TMTC2: variants seen among roughly 807,000 people sequenced by gnomAD.
The protein encoded by TMTC2 is protein O-mannosyl-transferase TMTC2.
In TMTC2, 43 loss-of-function variants were observed where a neutral mutation model predicts 82.4. That is an observed-to-expected ratio of 0.52 (90% CI 0.41 to 0.67). The LOEUF is 0.67. Ranked by LOEUF, TMTC2 falls within the 30% of genes least tolerant of loss-of-function variation. The pLI is 0.00. For missense variants in TMTC2, 919 were observed against 1,012.4 expected (o/e 0.91, Z 1.25); for synonymous variants, 408 against 381.9 (o/e 1.07, Z -0.80).
At chr12:83,069,613 A>G (rs141364571) in intron 11 of TMTC2, among the ~76,000 whole-genome samples, 1 of 152,180 alleles carries the variant, frequency 6.6e-6, no homozygotes, top group African/African-American at 2.4e-5. Flanking sequence ...AGATGTATAG[A>G]TTGTGCAGAT....
intron 3 of TMTC2, among the ~76,000 whole-genome samples, chr12:82,900,800 A>AAT (rs545154210): frequency 0.022 from 2,644 of 120,758 alleles, 309 homozygotes; most frequent in African/African-American, 0.075. Flanking sequence ...ATATACCTGG[A>AAT]ATATATATAT....
intron 1 of TMTC2, among the ~76,000 whole-genome samples, chr12:82,778,952 G>A (rs1358612016): frequency 1.4e-5 from 2 of 147,764 alleles, no homozygotes; most frequent in Non-Finnish European, 3.0e-5. Context: ...CAGGAAAATT[G>A]CTTGAACCCA....
At chr12:83,047,957 A>T (rs1398003881) in intron 9 of TMTC2, among the ~76,000 whole-genome samples, 1 of 152,212 alleles carries the variant, frequency 6.6e-6, no homozygotes, top group Non-Finnish European at 1.5e-5. Context: ...ACCCCTTGTT[A>T]TGGGTATCAT....
At chr12:83,107,599 A>G (rs1056827927) in intron 11 of TMTC2, among the ~76,000 whole-genome samples, 2 of 152,216 alleles carry the variant, frequency 1.3e-5, no homozygotes, top group African/African-American at 4.8e-5. Context: ...TTTCCAGCAC[A>G]TGAAATTTAG....
At chr12:82,712,621 G>T (rs1004917348) in intron 1 of TMTC2, among the ~76,000 whole-genome samples, 1 of 152,058 alleles carries the variant, frequency 6.6e-6, no homozygotes, top group African/African-American at 2.4e-5. Context: ...TGACTAGCTT[G>T]CTGGGAGGCT....
intron 1 of TMTC2, among the ~76,000 whole-genome samples, chr12:82,809,261 C>T (rs1030763077): frequency 6.6e-6 from 1 of 151,924 alleles, no homozygotes; most frequent in Admixed American, 6.6e-5. Context: ...ATGCTAGGTT[C>T]TTCATAAGAT....
At chr12:82,806,471 A>G (rs960156488) in intron 1 of TMTC2, among the ~76,000 whole-genome samples, 5 of 152,164 alleles carry the variant, frequency 3.3e-5, no homozygotes, top group African/African-American at 1.2e-4. Context: ...CAGTGGGGAT[A>G]GATACGGAAC....
intron 11 of TMTC2, among the ~76,000 whole-genome samples, chr12:83,116,044 C>G (rs1010490690): frequency 2.6e-5 from 4 of 152,170 alleles, no homozygotes; most frequent in Non-Finnish European, 5.9e-5. Context: ...CCTCAGCCTT[C>G]CTATTTATAA....
intron 1 of TMTC2, among the ~76,000 whole-genome samples, chr12:82,793,979 A>C (rs1176216671): frequency 2.0e-5 from 3 of 152,164 alleles, no homozygotes; most frequent in Non-Finnish European, 4.4e-5. Flanking sequence ...GTTTTTCAAT[A>C]TCAACTGCTT....
intron 11 of TMTC2, among the ~76,000 whole-genome samples, chr12:83,081,363 C>A (rs1883462050): frequency 6.6e-6 from 1 of 152,124 alleles, no homozygotes; most frequent in Admixed American, 6.6e-5. Context: ...CTTTAACAAG[C>A]CCTCAGCAAA....
chr12:82,948,185 G>A (rs1020546758), intron 4 of TMTC2, among the ~76,000 whole-genome samples: 1 of 152,146 alleles, frequency 6.6e-6, no homozygotes, highest in African/African-American at 2.4e-5. Flanking sequence ...GGGCAATATA[G>A]TGAGACCTTG....
chr12:83,118,706 C>T lies in TMTC2; in HGVS notation c.2332-13504C>T, dbSNP rs566102714. Among the ~76,000 whole-genome samples, 10 of 152,138 alleles carry T rather than the reference C, an allele frequency of 6.6e-5. No individual in the cohort carries two copies. In the South Asian group the frequency reaches 1.9e-3, roughly 28 times the overall value. ...TTCATAGAATGAATTAAGGAGGCTT[C>T]GCTCTTTCTCTATCTAGTGTCAATA... On this transcript the variant is annotated intron_variant, in intron 11 of 11. Coordinates refer to ENST00000321196, the MANE Select transcript of TMTC2 (RefSeq NM_152588.3).
At chr12:83,129,573 A>G (rs930364200) in intron 11 of TMTC2, among the ~76,000 whole-genome samples, 25 of 152,310 alleles carry the variant, frequency 1.6e-4, no homozygotes, top group African/African-American at 6.0e-4. Flanking sequence ...TTTATGTGGC[A>G]TGATCGACTT....
At chr12:83,075,917 TTGTACTTC>T (rs1278672136) in intron 11 of TMTC2, among the ~76,000 whole-genome samples, 1 of 152,240 alleles carries the variant, frequency 6.6e-6, no homozygotes. Flanking sequence ...TTGCTTTGTG[TTGTACTTC>T]TGTTTTGCAG....
At chr12:82,750,542 G>C (rs1381474306) in intron 1 of TMTC2, among the ~76,000 whole-genome samples, 1 of 151,850 alleles carries the variant, frequency 6.6e-6, no homozygotes, top group Non-Finnish European at 1.5e-5. Context: ...CTGATATGTA[G>C]AGAGGTTTTT....
At chr12:82,713,631 A>G (rs1287157262) in intron 1 of TMTC2, among the ~76,000 whole-genome samples, 2 of 152,144 alleles carry the variant, frequency 1.3e-5, no homozygotes, top group African/African-American at 4.8e-5. Flanking sequence ...TATCATGACA[A>G]CACCAGAAAG....
At chr12:83,096,952 T>C (rs1884049950) in intron 11 of TMTC2, among the ~76,000 whole-genome samples, 1 of 152,178 alleles carries the variant, frequency 6.6e-6, no homozygotes. Flanking sequence ...TAATTAATCT[T>C]TATATATTTG....
At position 83,099,076 on chromosome 12, in the gene TMTC2, T is replaced by A. The variant is rs149923217; in HGVS notation, c.2332-33134T>A. On this transcript the variant is annotated intron_variant, in intron 11 of 11. Coordinates refer to ENST00000321196, the MANE Select transcript of TMTC2 (RefSeq NM_152588.3). ...ATCCATTTCTATTGCTGGGAAATAATGCTTTTTCTTCATAATCATCAGACT... is the reference window on the plus strand; with the variant it reads ...ATCCATTTCTATTGCTGGGAAATAAAGCTTTTTCTTCATAATCATCAGACT... Among the ~76,000 whole-genome samples, 164 of 152,330 alleles carry A rather than the reference T, an allele frequency of 1.1e-3. 1 individual carries two copies. The highest frequency in any genetic ancestry group is 2.2e-3 in the Non-Finnish European group (149 of 68,030).
At chr12:82,962,984 A>G (rs1240454676) in intron 4 of TMTC2, among the ~76,000 whole-genome samples, 1 of 152,058 alleles carries the variant, frequency 6.6e-6, no homozygotes, top group Non-Finnish European at 1.5e-5. Context: ...AGGTGAATTC[A>G]GTAGTCTGAA....
Sources: allele counts gnomAD v4.1 joint callset (sites outside exome capture counted in the v4.1 genomes callset), GRCh38; gene constraint gnomAD v4.1.1; transcripts MANE v1.5; gene names NCBI Gene and HGNC (gene_info 2026-07-23, HGNC 2026-07-21).